Variants in CAMTA1 observed in about 807,000 individuals in gnomAD.
CAMTA1 encodes the protein calmodulin-binding transcription activator 1.
A neutral mutation model predicts 170.9 loss-of-function variants in CAMTA1; 27 were observed. The observed-to-expected ratio is 0.16, with a 90% confidence interval of 0.12 to 0.22. CAMTA1 has a LOEUF of 0.22. CAMTA1 is among the 10% of genes least tolerant of loss of function. CAMTA1 has a pLI of 1.00. For synonymous variants in CAMTA1, 833 were observed against 891.5 expected, an observed-to-expected ratio of 0.93 and a Z score of 1.17; for missense variants, 1,619 against 2,217.2, an observed-to-expected ratio of 0.73 and a Z score of 5.42.
chr1:7,310,678 T>TTCTCTCTCTCTCTC (rs70984069), intron 5 of CAMTA1, among the ~76,000 whole-genome samples: 3 of 34,612 alleles, frequency 8.7e-5, no homozygotes, highest in Non-Finnish European at 1.5e-4. Flanking sequence ...TTTCCTTTCT[T>TTCTCTCTCTCTCTC]TCTCTCTCTC....
At chr1:7,038,579 C>T (rs987816857) in intron 3 of CAMTA1, among the ~76,000 whole-genome samples, 2 of 152,244 alleles carry the variant, frequency 1.3e-5, no homozygotes, top group African/African-American at 4.8e-5. Flanking sequence ...TTTCATCCAT[C>T]CATCTTGATA....
intron 4 of CAMTA1, among the ~76,000 whole-genome samples, chr1:7,242,068 G>A (rs1479311371): frequency 2.0e-5 from 3 of 152,284 alleles, no homozygotes; most frequent in South Asian, 4.1e-4. Context: ...TAAAGGACTT[G>A]TATCTAGATT....
intron 3 of CAMTA1, among the ~76,000 whole-genome samples, chr1:6,830,060 G>A (rs1365260468): frequency 1.3e-5 from 2 of 148,760 alleles, no homozygotes; most frequent in African/African-American, 2.5e-5. Flanking sequence ...TTTTTGAGAC[G>A]GAGTCTCGCT....
intron 4 of CAMTA1, among the ~76,000 whole-genome samples, chr1:7,139,166 TAA>T (rs903354121): frequency 1.3e-4 from 18 of 139,502 alleles, no homozygotes; most frequent in African/African-American, 4.6e-4. Context: ...TAAATATATA[TAA>T]ATATATAAAA....
intron 1 of CAMTA1, among the ~76,000 whole-genome samples, chr1:6,789,294 T>C (rs1396422095): frequency 6.6e-6 from 1 of 152,332 alleles, no homozygotes; most frequent in Middle Eastern, 3.4e-3. Context: ...CTCTGGCGAT[T>C]TTAGGCTTTC....
At position 7,609,405 on chromosome 1, in the gene CAMTA1, T is replaced by C. The variant is rs568571864; in HGVS notation, c.511-30995T>C. Among the ~76,000 whole-genome samples, 8 of 152,318 alleles carry C rather than the reference T, an allele frequency of 5.3e-5. No individual in the cohort carries two copies. In the East Asian group the frequency reaches 1.2e-3, roughly 22 times the overall value. ...CTGGAGCACCTTCATGAATGATTCA[T>C]GAGGCTCTGCTCAACTTTGGGTGTT... On this transcript the variant is annotated intron_variant, in intron 6 of 22. Coordinates refer to ENST00000303635, the MANE Select transcript of CAMTA1 (RefSeq NM_015215.4). The surrounding 1 kb of genome is among the most constrained non-coding windows in gnomAD (Gnocchi z 4.4).
At chr1:7,655,876 G>A (rs897661820) in intron 7 of CAMTA1, among the ~76,000 whole-genome samples, 6 of 152,200 alleles carry the variant, frequency 3.9e-5, no homozygotes, top group South Asian at 4.1e-4. Context: ...GCCCCCATGC[G>A]GGGTGTGTTA....
intron 3 of CAMTA1, among the ~76,000 whole-genome samples, chr1:7,089,616 TATC>T (rs1156399336): frequency 1.4e-5 from 2 of 140,956 alleles, no homozygotes; most frequent in Non-Finnish European, 3.1e-5. Flanking sequence ...AACAAACACT[TATC>T]AGGTGCTTCC....
chr1:7,728,627 G>T (rs766933039), intron 11 of CAMTA1, among the ~76,000 whole-genome samples: 1 of 152,212 alleles, frequency 6.6e-6, no homozygotes, highest in Admixed American at 6.5e-5. Flanking sequence ...TCTCCAAGTA[G>T]GTTCCGAGAT....
Position 7,570,537 on chromosome 1 carries a change from G to T in CAMTA1, c.511-69863G>T, listed in dbSNP as rs958081820. Among the ~76,000 whole-genome samples, 1 of 152,208 alleles carries T rather than the reference G, an allele frequency of 6.6e-6. No homozygotes were observed. The highest frequency in any genetic ancestry group is 1.5e-5 in the Non-Finnish European group (1 of 68,036). Reference sequence around the variant, plus strand: ...CAGCCAGAGACCTGGAGGCTGTTCTGCTATCAACTTTTAATTAAGGAAAGT... The same window carrying T: ...CAGCCAGAGACCTGGAGGCTGTTCTTCTATCAACTTTTAATTAAGGAAAGT... On this transcript the variant is annotated intron_variant, in intron 6 of 22. Coordinates refer to ENST00000303635, the MANE Select transcript of CAMTA1 (RefSeq NM_015215.4). This position sits in a 1 kb window ranked among gnomAD's most constrained non-coding sequence, Gnocchi z 4.3.
intron 2 of CAMTA1, among the ~76,000 whole-genome samples, chr1:6,824,805 T>C (rs1469394088): frequency 6.6e-6 from 1 of 152,222 alleles, no homozygotes; most frequent in East Asian, 1.9e-4. Context: ...GGAAAGAACC[T>C]TTTAAAATAA....
chr1:7,535,800 C>G (rs1363068156), intron 6 of CAMTA1, among the ~76,000 whole-genome samples: 1 of 152,204 alleles, frequency 6.6e-6, no homozygotes, highest in Non-Finnish European at 1.5e-5. Flanking sequence ...AGTCCCTGTA[C>G]TTTGAGACCC....
At chr1:7,384,706 A>G (rs994086501) in intron 5 of CAMTA1, among the ~76,000 whole-genome samples, 2 of 152,198 alleles carry the variant, frequency 1.3e-5, no homozygotes, top group African/African-American at 4.8e-5. Context: ...ATCACAGACC[A>G]TAAAATTCTG....
At chr1:7,713,169 G>C (rs2096584253) in intron 11 of CAMTA1, among the ~76,000 whole-genome samples, 1 of 152,198 alleles carries the variant, frequency 6.6e-6, no homozygotes, top group African/African-American at 2.4e-5. Context: ...ATGGGAGAGA[G>C]GCAATGATAG....
intron 22 of CAMTA1, among the ~76,000 whole-genome samples, chr1:7,758,336 C>T (rs1558316918): frequency 6.6e-6 from 1 of 152,194 alleles, no homozygotes; most frequent in Non-Finnish European, 1.5e-5. Flanking sequence ...TCCTAAAACT[C>T]CTACTCATGC....
chr1:7,645,013 T>C (rs1246459378), intron 7 of CAMTA1, among the ~76,000 whole-genome samples: 1 of 152,232 alleles, frequency 6.6e-6, no homozygotes, highest in Non-Finnish European at 1.5e-5. Flanking sequence ...AAGCTTAGTA[T>C]GTCTCATCCT....
At position 6,965,878 on chromosome 1, in the gene CAMTA1, C is replaced by T. The variant is rs777710823; in HGVS notation, c.235-125426C>T. ...ATGACATTTATTGCAAGCTCGATGCCGCACGTCTGGCATTAGTTACTGCTT... is the reference window on the plus strand; with the variant it reads ...ATGACATTTATTGCAAGCTCGATGCTGCACGTCTGGCATTAGTTACTGCTT... On this transcript the variant is annotated intron_variant, in intron 3 of 22. Transcript: ENST00000303635. The surrounding 1 kb of genome is among the most constrained non-coding windows in gnomAD (Gnocchi z 4.1). Among the ~76,000 whole-genome samples, 5 of 152,104 alleles carry T rather than the reference C, an allele frequency of 3.3e-5. No homozygotes were observed. Among genetic ancestry groups the T allele is most frequent in the African/African-American group, 7.2e-5 (3 of 41,400 alleles).
chr1:6,916,251 A>G (rs1680761823), intron 3 of CAMTA1, among the ~76,000 whole-genome samples: 1 of 152,126 alleles, frequency 6.6e-6, no homozygotes, highest in African/African-American at 2.4e-5. Context: ...GTCAGCGCAG[A>G]GCCCAGGGCG....
In CAMTA1 at chr1:7,737,509, C is replaced by T. The variant is rs745737144; in HGVS notation, c.3597C>T (p.Ser1199=). ...AGAGCTGGATGGCCCAGTGGCACAG[C>T]GAAGCCATCAGCTCTCCAGAAATAC... is the stretch of plus-strand genomic sequence containing the variant. The part of the protein sequence containing the change: ...STESWMAQWH[S]EAISSPEIPK... Residue 1199 remains serine, a synonymous_variant, in exon 15 of 23, where the codon AGC becomes AGT. Coordinates refer to ENST00000303635, the MANE Select transcript of CAMTA1 (RefSeq NM_015215.4). 25 of 1,613,994 alleles carry T rather than the reference C, an allele frequency of 1.5e-5. 1 individual carries two copies. Among genetic ancestry groups the T allele is most frequent in the South Asian group, 1.4e-4 (13 of 91,086 alleles).
Sources: gnomAD v4.1 joint callset for allele counts (sites outside exome capture counted in the v4.1 genomes callset) on GRCh38, gnomAD v4.1.1 for gene constraint, Gnocchi (gnomAD v3.1) non-coding constraint, MANE v1.5 for transcripts, NCBI Gene and HGNC (gene_info 2026-07-23, HGNC 2026-07-21) for gene names.